GALNTL6: variants seen among roughly 807,000 people sequenced by gnomAD.
GALNTL6 encodes polypeptide N-acetylgalactosaminyltransferase-like 6.
A neutral mutation model predicts 73.7 loss-of-function variants in GALNTL6; 46 were observed. The observed-to-expected ratio is 0.62, with a 90% CI of 0.49 to 0.80. GALNTL6 has a LOEUF of 0.80. Ranked by LOEUF, GALNTL6 falls within the 30% of genes least tolerant of loss-of-function variation. GALNTL6 has a pLI of 0.00. For synonymous variants in GALNTL6, 259 were observed against 263.7 expected, an observed-to-expected ratio of 0.98 and a Z score of 0.17; for missense variants, 604 against 755.0, an observed-to-expected ratio of 0.80 and a Z score of 2.34.
At chr4:172,979,107 G>A (rs1750964560) in intron 10 of GALNTL6, among the ~76,000 whole-genome samples, 1 of 152,344 alleles carries the variant, frequency 6.6e-6, no homozygotes, top group South Asian at 2.1e-4. Flanking sequence ...AATAGTGGGT[G>A]TTGGTAGTAC....
intron 8 of GALNTL6, among the ~76,000 whole-genome samples, chr4:172,886,154 TA>T (rs1490647083): frequency 6.6e-6 from 1 of 152,208 alleles, no homozygotes; most frequent in Non-Finnish European, 1.5e-5. Context: ...TAGAAATCAG[TA>T]ATTAATCCAT....
At chr4:172,043,844 T>C (rs1017464035) in intron 2 of GALNTL6, among the ~76,000 whole-genome samples, 2 of 152,076 alleles carry the variant, frequency 1.3e-5, no homozygotes, top group South Asian at 2.1e-4. Flanking sequence ...GGCCCTTATT[T>C]CATTTTCTGT....
intron 5 of GALNTL6, chr4:172,545,702 T>G (rs776126100): frequency 5.9e-5 from 9 of 152,208 alleles, no homozygotes; most frequent in Non-Finnish European, 5.9e-5. Context: ...GCCAGCACGT[T>G]GTAGGCCTTT....
rs573091504 is a variant in GALNTL6, at chr4:171,951,064, A to T, written c.138+136346A>T. ...TCTATTTAATAAATGTACCAGGAAT[A>T]AACACACTATTTGAAGGAACAGATT... On this transcript the variant is annotated intron_variant, in intron 2 of 12. Transcript: ENST00000506823. Among the ~76,000 whole-genome samples the T allele has an allele frequency of 3.3e-4, 51 of 152,306 alleles. No individual in the cohort carries two copies. The South Asian group carries it at 0.011, about 32-fold the overall frequency.
intron 5 of GALNTL6, among the ~76,000 whole-genome samples, chr4:172,377,852 A>G (rs942373840): frequency 6.6e-6 from 1 of 151,806 alleles, no homozygotes; most frequent in Admixed American, 6.6e-5. Flanking sequence ...CTGAGCCCAC[A>G]CCCACCCAGA....
chr4:172,923,598 G>T (rs1434921440), intron 8 of GALNTL6, among the ~76,000 whole-genome samples: 1 of 152,168 alleles, frequency 6.6e-6, no homozygotes, highest in Non-Finnish European at 1.5e-5. Context: ...GCAGCCACTA[G>T]GTAGACTTAG....
intron 2 of GALNTL6, among the ~76,000 whole-genome samples, chr4:171,950,732 C>G (rs1466096302): frequency 6.6e-6 from 1 of 152,094 alleles, no homozygotes; most frequent in Non-Finnish European, 1.5e-5. Context: ...CCCGCCTCGG[C>G]CTCCCAGAGT....
intron 5 of GALNTL6, among the ~76,000 whole-genome samples, chr4:172,353,730 T>C (rs1309479232): frequency 6.6e-6 from 1 of 151,922 alleles, no homozygotes; most frequent in African/African-American, 2.4e-5. Flanking sequence ...TATATATATG[T>C]GTATATACAA....
At chr4:171,814,813 TTTC>T in intron 2 of GALNTL6, 95 bp downstream of exon 2, 2 of 1,300,030 alleles carry the variant, frequency 1.5e-6, no homozygotes, top group Non-Finnish European at 2.2e-6. Context: ...CGCCTTGGGT[TTTC>T]CCCCAAGTCT....
intron 5 of GALNTL6, among the ~76,000 whole-genome samples, chr4:172,711,739 T>C (rs1221002964): frequency 6.6e-6 from 1 of 152,178 alleles, no homozygotes; most frequent in Admixed American, 6.5e-5. Flanking sequence ...GGTATGCAGA[T>C]GGACTTCAAG....
At chr4:172,453,248 A>G (rs1732277615) in intron 5 of GALNTL6, among the ~76,000 whole-genome samples, 1 of 152,180 alleles carries the variant, frequency 6.6e-6, no homozygotes, top group Non-Finnish European at 1.5e-5. Flanking sequence ...TAGCACTATC[A>G]AATCACTACA....
At chr4:172,381,253 A>G (rs1329470677) in intron 5 of GALNTL6, among the ~76,000 whole-genome samples, 1 of 152,220 alleles carries the variant, frequency 6.6e-6, no homozygotes, top group Admixed American at 6.5e-5. Flanking sequence ...ACTTTTTGTA[A>G]TGAAAGGCTT....
At chr4:172,976,000 G>A (rs1402377075) in intron 10 of GALNTL6, among the ~76,000 whole-genome samples, 1 of 152,064 alleles carries the variant, frequency 6.6e-6, no homozygotes, top group Non-Finnish European at 1.5e-5. Flanking sequence ...GGAGGTCGGA[G>A]CTCCGCCCGC....
At chr4:172,386,830 A>C (rs1380907833) in intron 5 of GALNTL6, among the ~76,000 whole-genome samples, 1 of 152,082 alleles carries the variant, frequency 6.6e-6, no homozygotes, top group African/African-American at 2.4e-5. Flanking sequence ...GTTTCTACCC[A>C]CATTGAAGGC....
At chr4:172,212,491 G>T (rs932210663) in intron 2 of GALNTL6, among the ~76,000 whole-genome samples, 1 of 151,952 alleles carries the variant, frequency 6.6e-6, no homozygotes, top group Non-Finnish European at 1.5e-5. Flanking sequence ...ATACATTAAG[G>T]TTCCCTGTTT....
At chr4:172,630,200 A>G (rs1739334805) in intron 5 of GALNTL6, among the ~76,000 whole-genome samples, 2 of 152,204 alleles carry the variant, frequency 1.3e-5, no homozygotes, top group Non-Finnish European at 2.9e-5. Context: ...ACCTAAAAAG[A>G]GAAAACATAA....
rs200755141 is a variant in GALNTL6, at chr4:172,468,917, G to A, written c.553+120228G>A. Among the ~76,000 whole-genome samples, 166 of 152,274 alleles carry A rather than the reference G, an allele frequency of 1.1e-3. 5 individuals are homozygous for A. The South Asian group carries it at 0.023, about 21-fold the overall frequency. On this transcript the variant is annotated intron_variant, in intron 5 of 12. Transcript: ENST00000506823. ...CTATTCTTCCTTTTCAGCTGGCTTC[G>A]TGTTAGGCTCTGCCAACAGGGAGCA...
chr4:173,000,755 C>G (rs1257630855), intron 10 of GALNTL6, among the ~76,000 whole-genome samples: 1 of 152,154 alleles, frequency 6.6e-6, no homozygotes, highest in African/African-American at 2.4e-5. Context: ...TAAGCCCTCA[C>G]ATGCAAAGTT....
chr4:173,024,316 C>T (rs1753141214), intron 12 of GALNTL6, among the ~76,000 whole-genome samples: 1 of 152,234 alleles, frequency 6.6e-6, no homozygotes, highest in African/African-American at 2.4e-5. Context: ...AAAGGTTACA[C>T]TCCATGTGTA....
Sources: allele counts gnomAD v4.1 joint callset (sites outside exome capture counted in the v4.1 genomes callset), GRCh38; gene constraint gnomAD v4.1.1; transcripts MANE v1.5; gene names NCBI Gene and HGNC (gene_info 2026-07-23, HGNC 2026-07-21).